Variants in NDE1 observed in about 807,000 individuals in gnomAD.
NDE1 encodes the protein nudE neurodevelopment protein 1.
Under a neutral mutation model 43.4 loss-of-function variants are expected in NDE1, and 28 were observed. The ratio of observed to expected loss-of-function variants is 0.65; its 90% CI spans 0.48 to 0.89. NDE1 has a LOEUF of 0.89. Ranked by LOEUF, NDE1 falls within the 40% of genes least tolerant of loss-of-function variation. NDE1 has a pLI of 0.00. For missense variants in NDE1, 441 were observed against 434.1 expected (o/e 1.02, Z -0.14); for synonymous variants, 184 against 172.0 (o/e 1.07, Z -0.55).
intron 8 of NDE1, among the ~76,000 whole-genome samples, chr16:15,710,658 G>T (rs1253592420): frequency 6.6e-6 from 1 of 152,068 alleles, no homozygotes; most frequent in Non-Finnish European, 1.5e-5. Context: ...CTGGTTGCCA[G>T]CAGAGCACAT....
intron 8 of NDE1, chr16:15,718,170 TCTCTACTC>T: frequency 7.8e-7 from 1 of 1,289,268 alleles, no homozygotes; most frequent in Non-Finnish European, 1.1e-6. Flanking sequence ...GGGCCCTGGA[TCTCTACTC>T]TCAGGCCCCA....
At chr16:15,695,976 T>C (rs2038990123) in intron 7 of NDE1, 1 of 152,108 alleles carries the variant, frequency 6.6e-6, no homozygotes, top group Non-Finnish European at 1.5e-5. Flanking sequence ...ACAAGCGGAG[T>C]TGGATAATTG....
chr16:15,681,415 C>T (rs1341495935), intron 4 of NDE1, among the ~76,000 whole-genome samples: 1 of 151,290 alleles, frequency 6.6e-6, no homozygotes, highest in African/African-American at 2.4e-5. Context: ...TAGGCATGTG[C>T]CACTATACCT....
At chr16:15,722,914 TG>T in intron 8 of NDE1, among the ~76,000 whole-genome samples, 1 of 152,130 alleles carries the variant, frequency 6.6e-6, no homozygotes, top group South Asian at 2.1e-4. Context: ...CGGCTAATTT[TG>T]GTATTTTTAG....
intron 4 of NDE1, chr16:15,687,073 A>T: frequency 8.0e-7 from 1 of 1,254,680 alleles, no homozygotes; most frequent in African/African-American, 1.5e-5. Context: ...TTCTCAAACC[A>T]CCAAATGCCA....
At position 15,725,149 on chromosome 16, in the gene NDE1, A is replaced by G. The variant is rs550076836; in HGVS notation, c.*898A>G. The G allele has an allele frequency of 1.8e-3, 1,056 of 576,010 alleles. 6 individuals are homozygous for G. In the African/African-American group the frequency reaches 0.022, roughly 12 times the overall value. 35.7% of individuals were successfully genotyped at this position (576,010 alleles called of 1,614,324 possible). ...GGGACTCTGATAAAAAAAAAAAAAAACACACACACACACAAAAAAAACAGA... is the reference window on the plus strand; with the variant it reads ...GGGACTCTGATAAAAAAAAAAAAAAGCACACACACACACAAAAAAAACAGA... On this transcript the variant is annotated 3_prime_UTR_variant, in exon 9 of 9. Coordinates refer to ENST00000396354, the MANE Select transcript of NDE1 (RefSeq NM_017668.3).
intron 8 of NDE1, chr16:15,719,149 TG>T: frequency 2.1e-6 from 3 of 1,456,464 alleles, no homozygotes; most frequent in East Asian, 4.5e-5. Flanking sequence ...AAAAATAAAA[TG>T]GGGGTCGAGG....
At chr16:15,650,680 C>T (rs2036455337) in intron 1 of NDE1, among the ~76,000 whole-genome samples, 1 of 152,086 alleles carries the variant, frequency 6.6e-6, no homozygotes, top group Non-Finnish European at 1.5e-5. Context: ...AACCCCGCTG[C>T]CAGGCTCCAT....
chr16:15,705,697 C>T (rs1447143358), intron 8 of NDE1, among the ~76,000 whole-genome samples: 1 of 152,054 alleles, frequency 6.6e-6, no homozygotes, highest in Admixed American at 6.6e-5. Context: ...AAAGGAACAA[C>T]TCGGCTGGGC....
intron 7 of NDE1, 82 bp downstream of exon 7, chr16:15,694,338 C>T: frequency 6.4e-7 from 1 of 1,564,376 alleles, no homozygotes; most frequent in Non-Finnish European, 8.7e-7. Context: ...AGTTCCTTCC[C>T]TCTCTTCTTT....
At chr16:15,722,389 G>A (rs2040533792) in intron 8 of NDE1, among the ~76,000 whole-genome samples, 1 of 152,142 alleles carries the variant, frequency 6.6e-6, no homozygotes, top group Non-Finnish European at 1.5e-5. Context: ...AACATTCCAT[G>A]CTCACGTTAA....
chr16:15,724,139 G>A (rs2040624781), intron 8 of NDE1, 52 bp from the exon 9 acceptor site: 1 of 1,612,054 alleles, frequency 6.2e-7, no homozygotes, highest in South Asian at 1.1e-5. Flanking sequence ...GGCCAGAGTG[G>A]GGGACACCCC....
chr16:15,646,451 C>T (rs1291867973), upstream of NDE1, among the ~76,000 whole-genome samples: 1 of 152,032 alleles, frequency 6.6e-6, no homozygotes, highest in African/African-American at 2.4e-5. Flanking sequence ...CGTGGTGGTG[C>T]ACACCTGAAA....
In NDE1 at chr16:15,725,608, A is replaced by T; in HGVS notation, c.*1357A>T. The T allele has an allele frequency of 4.9e-6, 2 of 405,574 alleles. No homozygotes were observed. Among genetic ancestry groups the T allele is most frequent in the Non-Finnish European group, 4.4e-6 (1 of 229,754 alleles). 25.1% of individuals were successfully genotyped at this position (405,574 alleles called of 1,614,324 possible). A position where few individuals can be genotyped will look rare whatever the true frequency, so the allele number is the denominator to read the frequency against. ...CATCTCTTCCATTGACAAGGAGGAT[A>T]TGAATGATCTTGACACTGCTTATAT... On this transcript the variant is annotated 3_prime_UTR_variant, in exon 9 of 9. Coordinates refer to ENST00000396354, the MANE Select transcript of NDE1 (RefSeq NM_017668.3).
chr16:15,682,718 C>CATTTT (rs893703787), intron 4 of NDE1, among the ~76,000 whole-genome samples: 1 of 152,110 alleles, frequency 6.6e-6, no homozygotes, highest in Admixed American at 6.6e-5. Flanking sequence ...ATAAGTTTTT[C>CATTTT]ATTTTATTTT....
chr16:15,645,335 A>C (rs2036310540), upstream of NDE1, among the ~76,000 whole-genome samples: 1 of 152,188 alleles, frequency 6.6e-6, no homozygotes. Flanking sequence ...AAGTAAATGT[A>C]GTGATTGAAA....
intron 1 of NDE1, among the ~76,000 whole-genome samples, chr16:15,653,043 T>C (rs1233396852): frequency 6.6e-6 from 1 of 152,116 alleles, no homozygotes; most frequent in Non-Finnish European, 1.5e-5. Context: ...AGGTGTCAGG[T>C]ACAAATCCAC....
intron 3 of NDE1, among the ~76,000 whole-genome samples, chr16:15,668,455 G>C (rs2037426148): frequency 6.6e-6 from 1 of 152,140 alleles, no homozygotes; most frequent in Non-Finnish European, 1.5e-5. Context: ...TATAGAGACA[G>C]GGTTTCGCTG....
chr16:15,696,400 G>C (rs1388156896), intron 7 of NDE1, among the ~76,000 whole-genome samples: 15 of 149,236 alleles, frequency 1.0e-4, no homozygotes, highest in Non-Finnish European at 1.5e-5. Flanking sequence ...AAAAAAAACT[G>C]AGATGGGATC....
Sources: allele counts gnomAD v4.1 joint callset (sites outside exome capture counted in the v4.1 genomes callset), GRCh38; gene constraint gnomAD v4.1.1; transcripts MANE v1.5; gene names NCBI Gene and HGNC (gene_info 2026-07-23, HGNC 2026-07-21).